The following ZNF559 variants were observed in gnomAD, a reference collection of about 807,000 sequenced individuals.
ZNF559 encodes putative protein product of Nbla00121.
A neutral mutation model predicts 14.2 loss-of-function variants in ZNF559; 17 were observed. That is an observed-to-expected ratio of 1.20 (90% CI 0.82 to 1.80). The LOEUF is 1.80. ZNF559 is among the 40% of genes most tolerant of loss of function. The pLI is 0.00. For missense variants in ZNF559, 740 were observed against 629.7 expected, an observed-to-expected ratio of 1.18 and a Z score of -1.88; for synonymous variants, 244 against 212.4, an observed-to-expected ratio of 1.15 and a Z score of -1.29.
chr19:9,328,979 G>T (rs927456284), intron 2 of ZNF559, among the ~76,000 whole-genome samples: 1 of 152,148 alleles, frequency 6.6e-6, no homozygotes, highest in East Asian at 1.9e-4. Context: ...TGATTTTAGA[G>T]AACAAAGTTT....
upstream of ZNF559, chr19:9,324,171 G>A (rs574571270): frequency 1.0e-5 from 16 of 1,536,068 alleles, no homozygotes; most frequent in East Asian, 4.9e-5. Context: ...GCGTGTCTGC[G>A]TGGGCGCATG....
rs3745574 is a variant in ZNF559, at chr19:9,343,315, G to A, written c.*247G>A. On this transcript the variant is annotated 3_prime_UTR_variant, in exon 7 of 7. Coordinates refer to ENST00000603380, the MANE Select transcript of ZNF559 (RefSeq NM_032497.3). ...GTGCATCCTAGGAAACAAACTGAAC[G>A]TAGGAAACCTGTCGATGCTTACATC... 803 of 1,274,460 alleles carry A rather than the reference G, an allele frequency of 6.3e-4. 4 individuals carry two copies. In the East Asian group the frequency reaches 0.016, roughly 25 times the overall value. 78.9% of individuals were successfully genotyped at this position (1,274,460 alleles called of 1,614,324 possible).
In ZNF559 at chr19:9,342,302, T is replaced by G. The variant is rs779678814; in HGVS notation, c.851T>G (p.Leu284Arg). The G allele has an allele frequency of 5.0e-6, 8 of 1,591,632 alleles. No individual in the cohort carries two copies. Among genetic ancestry groups the G allele is most frequent in the Non-Finnish European group, 6.8e-6 (8 of 1,172,330 alleles). ...FGKAFAFSPD[L>R]AKHIRLRTRG... Reference sequence around the variant, plus strand: ...AAAGCCTTTGCTTTTTCCCCAGATCTTGCTAAACATATAAGACTTAGAACT... The same window carrying G: ...AAAGCCTTTGCTTTTTCCCCAGATCGTGCTAAACATATAAGACTTAGAACT... The change falls in exon 7 of 7, where the codon CTT (leucine) becomes CGT (arginine). Residue 284 changes from leucine (L) to arginine (R), a missense_variant. By Grantham distance (102) the Leu-to-Arg change is moderately radical. Transcript: ENST00000603380.
Position 9,345,435 on chromosome 19 carries a change from ATTC to A in ZNF559, c.*2372_*2374del, listed in dbSNP as rs1054479214. On this transcript the variant is annotated 3_prime_UTR_variant, in exon 7 of 7. Coordinates refer to ENST00000603380, the MANE Select transcript of ZNF559 (RefSeq NM_032497.3). Reference sequence around the variant, plus strand: ...CCATGAGCAGTATATAAGAGTTGCAATTCTTCTGCATCCTTGCCAATTATTGGT... The same window carrying A: ...CCATGAGCAGTATATAAGAGTTGCAATTCTGCATCCTTGCCAATTATTGGT... The A allele has an allele frequency of 3.3e-5, 5 of 152,168 alleles. No homozygotes were observed. Among genetic ancestry groups the A allele is most frequent in the African/African-American group, 7.2e-5 (3 of 41,454 alleles). The allele number at this position is 152,168 out of a possible 1,614,324, so 9.4% of individuals were successfully genotyped here. A position where few individuals can be genotyped will look rare whatever the true frequency, so the allele number is the denominator to read the frequency against.
chr19:9,334,514 A>G (rs562004259), intron 2 of ZNF559, among the ~76,000 whole-genome samples: 66 of 152,344 alleles, frequency 4.3e-4, no homozygotes, highest in African/African-American at 1.5e-3. Flanking sequence ...AGATGATTTC[A>G]TTTATAAAGT....
chr19:9,324,564 T>A, intron 1 of ZNF559, 131 bp from the exon 2 acceptor site: 1 of 1,167,754 alleles, frequency 8.6e-7, no homozygotes, highest in Non-Finnish European at 1.2e-6. Flanking sequence ...GCGGATTGGG[T>A]AGGAGGATTA....
chr19:9,342,819 A>G lies in ZNF559; in HGVS notation c.1368A>G (p.Lys456=). Residue 456 remains lysine (K), a synonymous_variant, in exon 7 of 7, where the codon AAA becomes AAG. Coordinates refer to ENST00000603380, the MANE Select transcript of ZNF559 (RefSeq NM_032497.3). The part of the protein sequence containing the change: ...FRYSSHLSQH[K]RIHTGERPYK... ...ACTCCTCGCACCTTAGTCAACATAA[A>G]AGAATACATACAGGGGAGAGGCCAT... The G allele has an allele frequency of 6.2e-7, 1 of 1,614,032 alleles. No homozygotes were observed. Among genetic ancestry groups the G allele is most frequent in the Non-Finnish European group, 8.5e-7 (1 of 1,180,004 alleles).
rs137889135 is a variant in ZNF559, at chr19:9,338,045, A to G, written c.-57+187A>G. The G allele has an allele frequency of 1.5e-3, 2,243 of 1,528,530 alleles. 29 individuals carry two copies. In the African/African-American group the frequency reaches 0.026, roughly 18 times the overall value. 94.7% of individuals were successfully genotyped at this position (1,528,530 alleles called of 1,614,324 possible). On this transcript the variant is annotated intron_variant, in intron 3 of 6. Coordinates refer to ENST00000603380, the MANE Select transcript of ZNF559 (RefSeq NM_032497.3). Reference sequence around the variant, plus strand: ...AAGTCCGTATTGATGGTCCTTCAAGACGCTGCTTTAACCAGTCTGTGAACA... The same window carrying G: ...AAGTCCGTATTGATGGTCCTTCAAGGCGCTGCTTTAACCAGTCTGTGAACA...
chr19:9,341,168 C>G lies in ZNF559; in HGVS notation c.227C>G (p.Ser76Cys), dbSNP rs751557973. The change falls in exon 6 of 7, where the codon TCC (serine) becomes TGC (cysteine). Residue 76 changes from serine (S) to cysteine (C), a missense_variant. Ser to Cys is a moderately radical substitution (Grantham distance 112). Transcript: ENST00000603380. ...CAGAATTTTTTGCAGGGGAAAACAT[C>G]CAGTGTGGTGGAAATGGTAAGATTC... ...PQQNFLQGKTSSVVEMERNHF... is the reference protein window; with the variant it reads ...PQQNFLQGKTCSVVEMERNHF... 9 of 1,613,700 alleles carry G rather than the reference C, an allele frequency of 5.6e-6. No homozygotes were observed. Among genetic ancestry groups the G allele is most frequent in the Non-Finnish European group, 7.6e-6 (9 of 1,179,828 alleles).
intron 2 of ZNF559, among the ~76,000 whole-genome samples, chr19:9,327,616 C>G (rs1321986648): frequency 6.6e-6 from 1 of 152,150 alleles, no homozygotes; most frequent in South Asian, 2.1e-4. Flanking sequence ...GAGAGGTTAA[C>G]AGTTTTTTTT....
rs2067655999 is a variant in ZNF559 at position 9,343,136 on chromosome 19, C to T, written c.*68C>T. On this transcript the variant is annotated 3_prime_UTR_variant, in exon 7 of 7. Transcript: ENST00000603380. ...TCCTCACACTTACTGAACATGTACT[C>T]ATTCATAGTGGCAATGTACACAGTC... 1.9e-6 allele frequency: 3 copies of T among 1,540,574 alleles called. No individual in the cohort carries two copies. The African/African-American group carries it at 4.1e-5, about 21-fold the overall frequency.
chr19:9,339,126 C>T, intron 4 of ZNF559, 67 bp from the exon 5 acceptor site: 1 of 1,605,714 alleles, frequency 6.2e-7, no homozygotes, highest in Non-Finnish European at 8.5e-7. Flanking sequence ...AGACAAGGTC[C>T]CTCATTCTCC....
intron 1 of ZNF559, 138 bp from the exon 2 acceptor site, chr19:9,324,557 G>A: frequency 8.4e-7 from 1 of 1,187,140 alleles, no homozygotes; most frequent in Admixed American, 2.8e-5. Flanking sequence ...GCTTTGGGCG[G>A]ATTGGGTAGG....
Position 9,342,845 on chromosome 19 carries a change from A to G in ZNF559, c.1394A>G (p.Tyr465Cys), listed in dbSNP as rs770689148. 1.9e-5 allele frequency: 31 copies of G among 1,614,030 alleles called. No homozygotes were observed. The highest frequency in any genetic ancestry group is 3.3e-5 in the Admixed American group (2 of 59,998). ...AGAATACATACAGGGGAGAGGCCAT[A>G]TAAATGTCAAAAGTGTGGGCAAGCC... ...HKRIHTGERP[Y>C]KCQKCGQAFS... The change falls in exon 7 of 7, where the codon TAT (tyrosine) becomes TGT (cysteine). Residue 465 changes from tyrosine (Y) to cysteine (C), a missense_variant. Transcript: ENST00000603380.
chr19:9,330,355 C>T (rs1005669299), intron 2 of ZNF559, among the ~76,000 whole-genome samples: 19 of 152,166 alleles, frequency 1.2e-4, no homozygotes, highest in Non-Finnish European at 1.5e-5. Flanking sequence ...ATGGGTGCCT[C>T]TGTCTCCCTA....
chr19:9,343,660 T>TACAC lies in ZNF559; in HGVS notation c.*592_*593insACAC. On this transcript the variant is annotated 3_prime_UTR_variant, in exon 7 of 7. Coordinates refer to ENST00000603380, the MANE Select transcript of ZNF559 (RefSeq NM_032497.3). ...GAGTGAAAGAGATGTTGGAAAGCCC[T>TACAC]TGAACTTGGTCGTTAGGAAACATCC... 1 of 987,976 alleles carries TACAC rather than the reference T, an allele frequency of 1.0e-6. No individual in the cohort carries two copies. The highest frequency in any genetic ancestry group is 4.6e-5 in the South Asian group (1 of 21,522). The allele number at this position is 987,976 out of a possible 1,614,324, so 61.2% of individuals were successfully genotyped here.
chr19:9,335,208 G>A (rs56253013), intron 2 of ZNF559, among the ~76,000 whole-genome samples: 2,562 of 152,022 alleles, frequency 0.017, 62 homozygotes, highest in African/African-American at 0.058. Flanking sequence ...AGGTCAAGGC[G>A]GGAGGATCGC....
Position 9,324,733 on chromosome 19 carries a change from C to T in ZNF559, c.-167C>T. ...GCCTTCCTGTTCACGGTGACCTTCG[C>T]TTGGTGTCCTCCTGGCCTCAGCAAC... is the stretch of plus-strand genomic sequence containing the variant. On this transcript the variant is annotated 5_prime_UTR_variant, in exon 2 of 7. Coordinates refer to ENST00000603380, the MANE Select transcript of ZNF559 (RefSeq NM_032497.3). 6.5e-7 allele frequency: 1 copy of T among 1,535,490 alleles called. No homozygotes were observed. The highest frequency in any genetic ancestry group is 8.7e-7 in the Non-Finnish European group (1 of 1,146,726).
chr19:9,323,831 C>T (rs569400917), upstream of ZNF559: 11 of 322,766 alleles, frequency 3.4e-5, no homozygotes, highest in Non-Finnish European at 5.8e-5. Context: ...TATTGGGACT[C>T]ATGAAGGTTC....
Sources: gnomAD v4.1 joint callset for allele counts (sites outside exome capture counted in the v4.1 genomes callset) on GRCh38, gnomAD v4.1.1 for gene constraint, MANE v1.5 for transcripts, NCBI Gene and HGNC (gene_info 2026-07-23, HGNC 2026-07-21) for gene names.